The following LINGO2 variants were observed in gnomAD, a reference collection of about 807,000 sequenced individuals.
The protein encoded by LINGO2 is leucine-rich repeat and immunoglobulin-like domain-containing nogo receptor-interacting protein 2.
Under a neutral mutation model 30.6 loss-of-function variants are expected in LINGO2, and 14 were observed. The ratio of observed to expected loss-of-function variants is 0.46; its 90% CI spans 0.30 to 0.72. The LOEUF is 0.72. LINGO2 is among the 30% of genes least tolerant of loss of function. The pLI, the probability that LINGO2 is intolerant of heterozygous loss-of-function variation, is 0.07. For missense variants in LINGO2, 729 were observed against 751.7 expected, an observed-to-expected ratio of 0.97 and a Z score of 0.35; for synonymous variants, 317 against 288.5, an observed-to-expected ratio of 1.10 and a Z score of -1.00.
intron 1 of LINGO2, among the ~76,000 whole-genome samples, chr9:28,532,645 TC>T (rs1821277968): frequency 2.0e-5 from 3 of 152,196 alleles, no homozygotes; most frequent in Admixed American, 2.0e-4. Context: ...CAGGAAAACC[TC>T]AAGTGACAGT....
the LINGO2 span, among the ~76,000 whole-genome samples, chr9:29,015,753 T>C: frequency 6.6e-6 from 1 of 152,174 alleles, no homozygotes. Flanking sequence ...AGAAGGGAGA[T>C]GTCAGCCTAT....
At chr9:28,635,119 T>C (rs896498291) in intron 1 of LINGO2, among the ~76,000 whole-genome samples, 2 of 152,208 alleles carry the variant, frequency 1.3e-5, no homozygotes, top group African/African-American at 4.8e-5. Flanking sequence ...TTGGAGAATC[T>C]GGACTCATTC....
the LINGO2 span, among the ~76,000 whole-genome samples, chr9:28,840,120 G>T: frequency 6.6e-6 from 1 of 150,896 alleles, no homozygotes; most frequent in Admixed American, 6.6e-5. Context: ...GAACCTCTGA[G>T]CTTGAGGAGA....
At position 28,045,462 on chromosome 9, in the gene LINGO2, T is replaced by C. The variant is rs147169654; in HGVS notation, c.-86-33057A>G. On this transcript the variant is annotated intron_variant, in intron 4 of 5. Coordinates refer to ENST00000379992, the Ensembl canonical transcript of LINGO2. ...CTTTGCATATCTGAATGTTGTGTAA[T>C]TTGACTCTAATGCACAATGATACAG... 1.7e-4 allele frequency among the ~76,000 whole-genome samples: 26 copies of C among 152,306 alleles called. No individual in the cohort carries two copies. The East Asian group carries it at 5.0e-3, about 29-fold the overall frequency.
intron 5 of LINGO2, among the ~76,000 whole-genome samples, chr9:27,993,311 GTAT>G (rs1821490739): frequency 1.3e-5 from 2 of 151,988 alleles, no homozygotes; most frequent in African/African-American, 4.8e-5. Flanking sequence ...GATAATTTCA[GTAT>G]TATTGTTGGT....
At position 28,147,130 on chromosome 9, in the gene LINGO2, G is replaced by A. The variant is rs1041743022; in HGVS notation, c.-86-134725C>T. Among the ~76,000 whole-genome samples, 8 of 152,176 alleles carry A rather than the reference G, an allele frequency of 5.3e-5. No homozygotes were observed. Among genetic ancestry groups the A allele is most frequent in the African/African-American group, 1.7e-4 (7 of 41,454 alleles). On this transcript the variant is annotated intron_variant, in intron 4 of 5. Transcript: ENST00000379992. This position sits in a 1 kb window ranked among gnomAD's most constrained non-coding sequence, Gnocchi z 4.7. ...CCATGGTCAACTTGTATGTTGAAGTGAAGACCTCCTTCGAGGTGTTCATGT... is the reference window on the plus strand; with the variant it reads ...CCATGGTCAACTTGTATGTTGAAGTAAAGACCTCCTTCGAGGTGTTCATGT...
intron 5 of LINGO2, among the ~76,000 whole-genome samples, chr9:27,990,155 G>T (rs932203596): frequency 6.6e-6 from 1 of 151,984 alleles, no homozygotes; most frequent in African/African-American, 2.4e-5. Context: ...TTGTCCAACT[G>T]TTAGGCTGAG....
intron 3 of LINGO2, among the ~76,000 whole-genome samples, chr9:28,314,475 A>G (rs1824760308): frequency 6.6e-6 from 1 of 152,140 alleles, no homozygotes; most frequent in African/African-American, 2.4e-5. Flanking sequence ...TCCTTCTTCA[A>G]GAAATAATTG....
chr9:28,506,300 G>A (rs998321104), intron 1 of LINGO2, among the ~76,000 whole-genome samples: 2 of 150,260 alleles, frequency 1.3e-5, no homozygotes, highest in East Asian at 2.0e-4. Context: ...TCTATTTGAC[G>A]ATGTTCAATT....
chr9:28,891,480 GA>G, the LINGO2 span, among the ~76,000 whole-genome samples: 62,942 of 148,300 alleles, frequency 0.42, 15,949 homozygotes, highest in Admixed American at 0.56. Context: ...AATTTCTGGA[GA>G]AAAAAAAAAG....
intron 1 of LINGO2, among the ~76,000 whole-genome samples, chr9:28,581,036 C>T (rs1358654358): frequency 2.6e-5 from 4 of 151,932 alleles, no homozygotes; most frequent in African/African-American, 9.7e-5. Context: ...ATAGTTTCTC[C>T]CTTCTTAAAA....
At chr9:27,950,499 T>G in exon 6 of LINGO2, 1 of 1,596,044 alleles carries the variant, frequency 6.3e-7, no homozygotes, top group Non-Finnish European at 8.6e-7. Context: ...GATTTTGGTT[T>G]CGATGGGAAT....
chr9:29,002,003 T>A, the LINGO2 span, among the ~76,000 whole-genome samples: 15 of 152,170 alleles, frequency 9.9e-5, no homozygotes, highest in East Asian at 3.9e-4. Flanking sequence ...CCTTCTATGG[T>A]TTGTCTTGGT....
At chr9:28,754,089 C>G in the LINGO2 span, among the ~76,000 whole-genome samples, 208 of 151,540 alleles carry the variant, frequency 1.4e-3, 2 homozygotes, top group African/African-American at 4.3e-3. Flanking sequence ...TAGGTATCTA[C>G]ATTTCCTTCA....
chr9:28,688,480 G>A, the LINGO2 span, among the ~76,000 whole-genome samples: 1 of 151,796 alleles, frequency 6.6e-6, no homozygotes, highest in Admixed American at 6.6e-5. Context: ...CCTCATGCTG[G>A]CAATGTTATC....
chr9:28,409,810 C>G (rs981349432), intron 2 of LINGO2, among the ~76,000 whole-genome samples: 1 of 151,606 alleles, frequency 6.6e-6, no homozygotes, highest in African/African-American at 2.4e-5. Context: ...TACCATCTAG[C>G]CCAACAACCT....
intron 4 of LINGO2, among the ~76,000 whole-genome samples, chr9:28,092,533 C>T (rs1229358081): frequency 3.0e-5 from 4 of 132,376 alleles, no homozygotes; most frequent in African/African-American, 1.2e-4. Context: ...ACATCACACA[C>T]CAGGGCCTGT....
intron 2 of LINGO2, among the ~76,000 whole-genome samples, chr9:28,404,900 T>TTG (rs60281661): frequency 2.2e-3 from 228 of 102,546 alleles, no homozygotes; most frequent in African/African-American, 2.9e-3. Flanking sequence ...CTCAGCCGCT[T>TTG]TGTGTGTGTG....
intron 4 of LINGO2, among the ~76,000 whole-genome samples, chr9:28,207,877 T>A (rs553976490): frequency 6.6e-6 from 1 of 152,232 alleles, no homozygotes; most frequent in Non-Finnish European, 1.5e-5. Context: ...GGGTGTTTTT[T>A]TTTTAAATGT....
Sources: gnomAD v4.1 joint callset for allele counts (sites outside exome capture counted in the v4.1 genomes callset) on GRCh38, gnomAD v4.1.1 for gene constraint, Gnocchi (gnomAD v3.1) non-coding constraint, MANE v1.5 for transcripts, NCBI Gene and HGNC (gene_info 2026-07-23, HGNC 2026-07-21) for gene names.